The following KDM4C variants were observed in gnomAD, a reference collection of about 807,000 sequenced individuals.
KDM4C encodes the protein lysine-specific demethylase 4C.
A neutral mutation model predicts 129.3 loss-of-function variants in KDM4C; 81 were observed. The observed-to-expected ratio is 0.63, with a 90% confidence interval of 0.52 to 0.75. The LOEUF is 0.75. KDM4C is among the 30% of genes least tolerant of loss of function. The pLI is 0.00. For synonymous variants in KDM4C, 573 were observed against 456.1 expected (o/e 1.26, Z -3.26); for missense variants, 1,457 against 1,304.0 (o/e 1.12, Z -1.81).
intron 15 of KDM4C, among the ~76,000 whole-genome samples, chr9:7,032,825 A>G (rs1827002181): frequency 1.3e-5 from 2 of 152,194 alleles, no homozygotes; most frequent in East Asian, 1.9e-4. Flanking sequence ...TTGTTTGTTT[A>G]CATTGAAAAT....
intron 18 of KDM4C, 137 bp from the exon 19 acceptor site, chr9:7,127,929 A>T: frequency 1.4e-6 from 1 of 693,360 alleles, no homozygotes; most frequent in Non-Finnish European, 2.2e-6. Context: ...ATTATTCTTC[A>T]ATATTAAGTT....
chr9:7,008,214 G>C (rs765936033), intron 12 of KDM4C, among the ~76,000 whole-genome samples: 104 of 152,252 alleles, frequency 6.8e-4, no homozygotes, highest in African/African-American at 2.5e-3. Flanking sequence ...TCTAAGGTCC[G>C]TTGCAGTGAA....
intron 10 of KDM4C, among the ~76,000 whole-genome samples, chr9:6,984,888 C>G (rs1817422018): frequency 6.6e-6 from 1 of 152,178 alleles, no homozygotes; most frequent in Non-Finnish European, 1.5e-5. Context: ...GTACTAAAGC[C>G]ATTGTCTGAA....
At chr9:6,864,116 A>G (rs564289133) in intron 5 of KDM4C, among the ~76,000 whole-genome samples, 2 of 152,258 alleles carry the variant, frequency 1.3e-5, no homozygotes, top group South Asian at 4.1e-4. Flanking sequence ...TTCTTCTTGC[A>G]TGTTAGTGGG....
At chr9:6,966,066 G>T (rs1198842359) in intron 8 of KDM4C, among the ~76,000 whole-genome samples, 1 of 152,144 alleles carries the variant, frequency 6.6e-6, no homozygotes, top group African/African-American at 2.4e-5. Context: ...AACTTTCAGA[G>T]TTAACTTTGC....
At position 6,758,021 on chromosome 9, in the gene KDM4C, C is replaced by T. The variant is rs975960092; in HGVS notation, c.-200C>T. ...CGCCGCTGCCTCCCACCCACCCCCT[C>T]GACGGGAGGGTGAGGCGCGGCGCAG... On this transcript the variant is annotated 5_prime_UTR_variant, in exon 1 of 22. Coordinates refer to ENST00000381309, the MANE Select transcript of KDM4C (RefSeq NM_015061.6). The surrounding 1 kb of genome is among the most constrained non-coding windows in gnomAD (Gnocchi z 4.6). The T allele has an allele frequency of 1.0e-6, 1 of 985,450 alleles. No individual in the cohort carries two copies. Among genetic ancestry groups the T allele is most frequent in the Non-Finnish European group, 1.2e-6 (1 of 829,946 alleles). The allele number at this position is 985,450 out of a possible 1,614,324, so 61.0% of individuals were successfully genotyped here.
chr9:6,997,711 T>A (rs1249932311), intron 12 of KDM4C, among the ~76,000 whole-genome samples: 1 of 152,232 alleles, frequency 6.6e-6, no homozygotes, highest in Non-Finnish European at 1.5e-5. Flanking sequence ...CTGGCCTCTT[T>A]CCTCCTGTGT....
chr9:6,942,285 G>GTGTC (rs1826097314), intron 8 of KDM4C, among the ~76,000 whole-genome samples: 2 of 48,468 alleles, frequency 4.1e-5, no homozygotes, highest in African/African-American at 2.0e-4. Flanking sequence ...CCCTCAAAGT[G>GTGTC]TGTGTGTGTG....
intron 1 of KDM4C, among the ~76,000 whole-genome samples, chr9:6,784,902 C>T (rs747519098): frequency 4.6e-5 from 7 of 152,160 alleles, no homozygotes; most frequent in Non-Finnish European, 7.3e-5. Context: ...AGGTGGCCTG[C>T]GACTTCCCTT....
chr9:7,001,634 T>A (rs937904155), intron 12 of KDM4C, among the ~76,000 whole-genome samples: 2 of 152,222 alleles, frequency 1.3e-5, no homozygotes, highest in African/African-American at 4.8e-5. Flanking sequence ...CCCTAGCAGC[T>A]GTTTTGTGTG....
chr9:6,935,510 C>G (rs114656041), intron 8 of KDM4C, among the ~76,000 whole-genome samples: 2,315 of 151,740 alleles, frequency 0.015, 56 homozygotes, highest in African/African-American at 0.053. Flanking sequence ...TCCCATCTCC[C>G]AAGTTCAAGA....
At chr9:6,740,339 G>C (rs1387156492) in intron 1 of KDM4C, among the ~76,000 whole-genome samples, 2 of 152,094 alleles carry the variant, frequency 1.3e-5, no homozygotes, top group African/African-American at 4.8e-5. Context: ...TAGCAGCTGA[G>C]ACTACAGGCG....
At chr9:6,932,747 A>G (rs935629760) in intron 8 of KDM4C, among the ~76,000 whole-genome samples, 14 of 152,298 alleles carry the variant, frequency 9.2e-5, no homozygotes, top group African/African-American at 3.1e-4. Flanking sequence ...ACATTTGACC[A>G]CGTTTAGGGG....
intron 15 of KDM4C, among the ~76,000 whole-genome samples, chr9:7,031,127 C>CTTGTTTGT (rs563216335): frequency 0.029 from 3,961 of 138,240 alleles, 61 homozygotes; most frequent in South Asian, 0.071. Flanking sequence ...CTTTATTTTA[C>CTTGTTTGT]TTGTTTATTT....
chr9:6,865,185 T>C (rs967481750), intron 5 of KDM4C, among the ~76,000 whole-genome samples: 1 of 152,018 alleles, frequency 6.6e-6, no homozygotes, highest in Non-Finnish European at 1.5e-5. Context: ...ATTTTTTGTA[T>C]TTTTAGTAGA....
intron 17 of KDM4C, among the ~76,000 whole-genome samples, chr9:7,072,778 AAAATT>A (rs1256281203): frequency 6.6e-6 from 1 of 152,216 alleles, no homozygotes; most frequent in African/African-American, 2.4e-5. Flanking sequence ...TTGCACTTTG[AAAATT>A]AAATATAAAA....
At chr9:6,850,816 G>C (rs1019741315) in intron 5 of KDM4C, among the ~76,000 whole-genome samples, 23 of 152,078 alleles carry the variant, frequency 1.5e-4, no homozygotes, top group Non-Finnish European at 2.8e-4. Flanking sequence ...GTGCAGTGGT[G>C]CGATCTCGGC....
At chr9:6,734,995 G>C in intron 1 of KDM4C, 1 of 554,796 alleles carries the variant, frequency 1.8e-6, no homozygotes, top group Non-Finnish European at 3.6e-6. Flanking sequence ...AAGTTGATAG[G>C]GTTTGGGTAT....
intron 8 of KDM4C, among the ~76,000 whole-genome samples, chr9:6,900,578 T>C (rs1817225530): frequency 6.6e-6 from 1 of 152,194 alleles, no homozygotes. Flanking sequence ...AAGGTTACAG[T>C]GAGCCGTGAT....
Sources: gnomAD v4.1 joint callset for allele counts (sites outside exome capture counted in the v4.1 genomes callset) on GRCh38, gnomAD v4.1.1 for gene constraint, Gnocchi (gnomAD v3.1) non-coding constraint, MANE v1.5 for transcripts, NCBI Gene and HGNC (gene_info 2026-07-23, HGNC 2026-07-21) for gene names.